Variants in SYNJ1 observed in about 807,000 individuals in gnomAD.
SYNJ1 encodes synaptojanin 1.
In SYNJ1, 78 loss-of-function variants were observed where a neutral mutation model predicts 168.2. The observed-to-expected ratio is 0.46, with a 90% CI of 0.39 to 0.56. The LOEUF (loss-of-function observed/expected upper bound fraction) is 0.56. SYNJ1 is among the 20% of genes least tolerant of loss of function. The pLI is 0.00. For missense variants in SYNJ1, 1,303 were observed against 1,597.6 expected, an observed-to-expected ratio of 0.82 and a Z score of 3.14; for synonymous variants, 539 against 548.6, an observed-to-expected ratio of 0.98 and a Z score of 0.24.
intron 16 of SYNJ1, 143 bp from the exon 17 acceptor site, chr21:32,666,278 T>C (rs948759769): frequency 1.8e-5 from 26 of 1,419,672 alleles, no homozygotes; most frequent in Admixed American, 1.8e-4. Context: ...AGTGAAGCTA[T>C]TGGTGAGTCT....
At chr21:32,698,700 G>A (rs1034494471) in intron 4 of SYNJ1, among the ~76,000 whole-genome samples, 2 of 152,122 alleles carry the variant, frequency 1.3e-5, no homozygotes, top group Admixed American at 1.3e-4. Context: ...GCACAGTTAT[G>A]CATAATCATG....
At chr21:32,660,153 G>A (rs1307481996) in intron 18 of SYNJ1, among the ~76,000 whole-genome samples, 1 of 152,208 alleles carries the variant, frequency 6.6e-6, no homozygotes, top group Non-Finnish European at 1.5e-5. Flanking sequence ...TGCGGCTCTG[G>A]CCAAGGCCAG....
chr21:32,672,059 C>CAAAAAAAAA (rs1160074724), intron 14 of SYNJ1, among the ~76,000 whole-genome samples: 9 of 24,652 alleles, frequency 3.7e-4, no homozygotes, highest in Non-Finnish European at 5.8e-4. Context: ...AACTCAATCT[C>CAAAAAAAAA]AAAAAAAAAA....
chr21:32,685,425 C>CAAAAAAA (rs57470866), intron 9 of SYNJ1, among the ~76,000 whole-genome samples: 10 of 67,238 alleles, frequency 1.5e-4, no homozygotes, highest in Non-Finnish European at 2.2e-4. Context: ...CCGTCTCTAC[C>CAAAAAAA]AAAAAAAAAA....
chr21:32,658,820 C>CA (rs2145866383), intron 18 of SYNJ1, among the ~76,000 whole-genome samples: 1 of 152,374 alleles, frequency 6.6e-6, no homozygotes, highest in East Asian at 1.9e-4. Context: ...AGTGCCCATG[C>CA]ACTCCAGTTC....
rs775983474 is a variant in SYNJ1, at chr21:32,673,340, C to A, written c.1726G>T (p.Asp576Tyr). The change falls in exon 14 of 33, where the codon GAT (aspartate) becomes TAT (tyrosine). Residue 576 changes from aspartate (D) to tyrosine (Y), a missense_variant and splice_region_variant. Coordinates refer to ENST00000674351, the MANE Select transcript of SYNJ1 (RefSeq NM_203446.3). ...PKLAGIQEFQDKRSKPTDIFA... is the reference protein window; with the variant it reads ...PKLAGIQEFQYKRSKPTDIFA... ...TAAATCCATATTATAAAAAGCCAAC[C>A]TTGAAACTCCTGGATGCCAGCTAAC... 1 of 1,602,832 alleles carries A rather than the reference C, an allele frequency of 6.2e-7. No individual in the cohort carries two copies.
At chr21:32,685,110 A>G (rs2041777279) in intron 9 of SYNJ1, among the ~76,000 whole-genome samples, 3 of 146,138 alleles carry the variant, frequency 2.1e-5, no homozygotes, top group Non-Finnish European at 4.5e-5. Context: ...TGAGCCCGGG[A>G]GGCGGAGCTT....
At position 32,631,304 on chromosome 21, in the gene SYNJ1, A is replaced by G. The variant is rs376315642; in HGVS notation, c.*501T>C. 3 of 1,614,220 alleles carry G rather than the reference A, an allele frequency of 1.9e-6. No individual in the cohort carries two copies. Among genetic ancestry groups the G allele is most frequent in the Non-Finnish European group, 2.5e-6 (3 of 1,180,030 alleles). ...CTTTCGGGTTGCTAATTTTTAATGT[A>G]GACTGGCCCTGTAGATCAAAACTGT... On this transcript the variant is annotated 3_prime_UTR_variant, in exon 33 of 33. Coordinates refer to ENST00000674351, the MANE Select transcript of SYNJ1 (RefSeq NM_203446.3).
rs138882423 is a variant in SYNJ1, at chr21:32,684,127, C to A, written c.1119-8G>T. On this transcript the variant is annotated splice_polypyrimidine_tract_variant and splice_region_variant and intron_variant, in intron 9 of 32. Transcript: ENST00000674351. Reference sequence around the variant, plus strand: ...ACTGTACCACTCTGGCATCTGTAACCAATAAAGTTAAATATCCAGTTTGGA... The same window carrying A: ...ACTGTACCACTCTGGCATCTGTAACAAATAAAGTTAAATATCCAGTTTGGA... 7.9e-4 allele frequency: 1,275 copies of A among 1,611,880 alleles called. 7 individuals are homozygous for A. In the African/African-American group the frequency reaches 0.015, roughly 19 times the overall value.
intron 2 of SYNJ1, among the ~76,000 whole-genome samples, chr21:32,710,285 T>C (rs1485655831): frequency 6.6e-6 from 1 of 152,076 alleles, no homozygotes; most frequent in African/African-American, 2.4e-5. Flanking sequence ...AAAGTGTCCA[T>C]GAGTTGATAT....
intron 2 of SYNJ1, among the ~76,000 whole-genome samples, chr21:32,716,384 C>G (rs2043023538): frequency 6.6e-6 from 1 of 152,280 alleles, no homozygotes; most frequent in Non-Finnish European, 1.5e-5. Context: ...CTTCGAATGT[C>G]TGAAAAGTCT....
chr21:32,647,042 C>A lies in SYNJ1; in HGVS notation c.3038-440G>T, dbSNP rs139179409. ...ACAGTCTTCCCCCAGAAGGCTCCTCCCTGCAACCCTCACCCCACAAAGACC... is the reference window on the plus strand; with the variant it reads ...ACAGTCTTCCCCCAGAAGGCTCCTCACTGCAACCCTCACCCCACAAAGACC... On this transcript the variant is annotated intron_variant, in intron 23 of 32. Coordinates refer to ENST00000674351, the MANE Select transcript of SYNJ1 (RefSeq NM_203446.3). 5.6e-3 allele frequency among the ~76,000 whole-genome samples: 857 copies of A among 152,284 alleles called. 7 individuals carry two copies. Among genetic ancestry groups the A allele is most frequent in the African/African-American group, 0.02 (824 of 41,542 alleles).
chr21:32,666,132 A>G lies in SYNJ1; in HGVS notation c.1956T>C (p.Asp652=). The stretch of plus-strand genomic sequence containing the variant: ...CAGTCTTCACAGTATCAACTGCAAC[A>G]TCCCTTTGAAACAAAGAATTCTAAA... ...IRPQHAPFIR[D]VAVDTVKTGM... The change falls in exon 17 of 33, where the codon GAT becomes GAC. Residue 652 remains aspartate, a synonymous_variant. Transcript: ENST00000674351. The G allele has an allele frequency of 6.3e-7, 1 of 1,588,588 alleles. No individual in the cohort carries two copies. Among genetic ancestry groups the G allele is most frequent in the Non-Finnish European group, 8.5e-7 (1 of 1,169,606 alleles).
chr21:32,717,358 C>CAT (rs2043062020), intron 2 of SYNJ1, among the ~76,000 whole-genome samples: 1 of 152,158 alleles, frequency 6.6e-6, no homozygotes, highest in African/African-American at 2.4e-5. Context: ...ATGTCCTTGT[C>CAT]TATTACAGCA....
At chr21:32,711,040 C>A (rs2042810567) in intron 2 of SYNJ1, among the ~76,000 whole-genome samples, 1 of 152,150 alleles carries the variant, frequency 6.6e-6, no homozygotes, top group Non-Finnish European at 1.5e-5. Context: ...TAATATCCTA[C>A]AACTTAATTC....
intron 8 of SYNJ1, 148 bp downstream of exon 8, chr21:32,686,830 C>T: frequency 1.9e-6 from 1 of 535,992 alleles, no homozygotes; most frequent in Non-Finnish European, 3.2e-6. Flanking sequence ...TTAATAGACC[C>T]AAAGAGTTCA....
At chr21:32,711,841 G>C (rs147215849) in intron 2 of SYNJ1, among the ~76,000 whole-genome samples, 2 of 152,102 alleles carry the variant, frequency 1.3e-5, no homozygotes, top group Non-Finnish European at 2.9e-5. Flanking sequence ...CATAGTTGTC[G>C]CATGATAATC....
Position 32,726,921 on chromosome 21 carries a change from C to G in SYNJ1, c.-22-4G>C. ...TCTCCTTTCTTCGGAGGCAGCCCTG[C>G]GAAAACCAAGCAAAGCAAAGCAAAT... On this transcript the variant is annotated splice_region_variant and splice_polypyrimidine_tract_variant and intron_variant, in intron 1 of 32. Transcript: ENST00000674351. 1 of 1,613,440 alleles carries G rather than the reference C, an allele frequency of 6.2e-7. No individual in the cohort carries two copies. Among genetic ancestry groups the G allele is most frequent in the Non-Finnish European group, 8.5e-7 (1 of 1,179,720 alleles).
intron 26 of SYNJ1, 44 bp from the exon 27 acceptor site, chr21:32,643,501 C>A (rs1255628524): frequency 6.3e-7 from 1 of 1,590,796 alleles, no homozygotes; most frequent in African/African-American, 1.3e-5. Context: ...TCAGGGCCCA[C>A]AGCACAGAAT....
Sources: allele counts gnomAD v4.1 joint callset (sites outside exome capture counted in the v4.1 genomes callset), GRCh38; gene constraint gnomAD v4.1.1; transcripts MANE v1.5; gene names NCBI Gene and HGNC (gene_info 2026-07-23, HGNC 2026-07-21).